The following AGTR1 variants were observed in gnomAD, a reference collection of about 807,000 sequenced individuals.
AGTR1 encodes the protein angiotensin II receptor type 1.
In AGTR1, 16 loss-of-function variants were observed where a neutral mutation model predicts 19.4. That is an observed-to-expected ratio of 0.82 (90% CI 0.56 to 1.25). The LOEUF is 1.25. Among genes scored for constraint, AGTR1 ranks in the 50% most tolerant of loss-of-function variants. The pLI is 0.00. For missense variants in AGTR1, 373 were observed against 431.9 expected (o/e 0.86, Z 1.21); for synonymous variants, 153 against 154.9 (o/e 0.99, Z 0.09).
At chr3:148,728,605 T>C (rs939004881) in intron 2 of AGTR1, among the ~76,000 whole-genome samples, 2 of 152,176 alleles carry the variant, frequency 1.3e-5, no homozygotes, top group African/African-American at 4.8e-5. Flanking sequence ...AGAAATAAAC[T>C]GTTAGGTGCT....
chr3:148,720,263 C>T (rs561363814), intron 2 of AGTR1, among the ~76,000 whole-genome samples: 34 of 152,218 alleles, frequency 2.2e-4, no homozygotes, highest in African/African-American at 7.9e-4. Context: ...CAGAAACACA[C>T]ACACACCACA....
chr3:148,707,498 T>A lies in AGTR1; in HGVS notation c.-131-446T>A, dbSNP rs191862490. 2.8e-3 allele frequency among the ~76,000 whole-genome samples: 434 copies of A among 152,340 alleles called. 1 individual carries two copies. The highest frequency in any genetic ancestry group is 9.9e-3 in the African/African-American group (411 of 41,586). On this transcript the variant is annotated intron_variant, in intron 1 of 2. Transcript: ENST00000349243. ...GGTAATCTTTTAAAAAGGTATTTTTTAAATTATGGTACAATAAAATGTGCA... is the reference window on the plus strand; with the variant it reads ...GGTAATCTTTTAAAAAGGTATTTTTAAAATTATGGTACAATAAAATGTGCA...
At chr3:148,711,393 A>G (rs986067683) in intron 2 of AGTR1, among the ~76,000 whole-genome samples, 1 of 152,246 alleles carries the variant, frequency 6.6e-6, no homozygotes, top group African/African-American at 2.4e-5. Flanking sequence ...AAAAAGGGAT[A>G]TAAATATCCA....
chr3:148,728,696 C>T (rs1320003644), intron 2 of AGTR1, among the ~76,000 whole-genome samples: 1 of 151,926 alleles, frequency 6.6e-6, no homozygotes, highest in African/African-American at 2.4e-5. Flanking sequence ...TCACTTTTAC[C>T]CTCTGAATTT....
chr3:148,702,890 A>C (rs1712431596), intron 1 of AGTR1, among the ~76,000 whole-genome samples: 1 of 152,140 alleles, frequency 6.6e-6, no homozygotes, highest in African/African-American at 2.4e-5. Context: ...GAAATAAATA[A>C]TTTTTCTAAT....
intron 2 of AGTR1, among the ~76,000 whole-genome samples, chr3:148,723,427 C>T (rs534592533): frequency 1.3e-5 from 2 of 152,252 alleles, no homozygotes; most frequent in East Asian, 3.9e-4. Flanking sequence ...TAGCTTCAGT[C>T]CCTTTCACTA....
rs74646323 is a variant in AGTR1 at position 148,716,133 on chromosome 3, A to G, written c.-48+8106A>G. On this transcript the variant is annotated intron_variant, in intron 2 of 2. Coordinates refer to ENST00000349243, the MANE Select transcript of AGTR1 (RefSeq NM_000685.5). This position sits in a 1 kb window ranked among gnomAD's most constrained non-coding sequence, Gnocchi z 4.7. Reference sequence around the variant, plus strand: ...AGCAACATTAGGGAAGGGGTAAAGTAGTCCTCAGCAAGGCCCTTTTCAGAG... The same window carrying G: ...AGCAACATTAGGGAAGGGGTAAAGTGGTCCTCAGCAAGGCCCTTTTCAGAG... 8.4e-3 allele frequency among the ~76,000 whole-genome samples: 1,278 copies of G among 152,292 alleles called. 28 individuals carry two copies. The highest frequency in any genetic ancestry group is 0.044 in the Middle Eastern group (13 of 294).
intron 2 of AGTR1, among the ~76,000 whole-genome samples, chr3:148,722,573 C>G (rs748834831): frequency 2.2e-4 from 34 of 152,100 alleles, no homozygotes; most frequent in Non-Finnish European, 4.3e-4. Flanking sequence ...CTCTGTAGCC[C>G]CTTTCTCATC....
chr3:148,732,483 A>T (rs1714321949), intron 2 of AGTR1, among the ~76,000 whole-genome samples: 1 of 152,226 alleles, frequency 6.6e-6, no homozygotes, highest in African/African-American at 2.4e-5. Flanking sequence ...TTGAGTAAAC[A>T]GTAAATTTTT....
intron 2 of AGTR1, among the ~76,000 whole-genome samples, chr3:148,708,354 G>T (rs962591552): frequency 1.3e-5 from 2 of 152,094 alleles, no homozygotes; most frequent in Non-Finnish European, 1.5e-5. Flanking sequence ...CCTGTATAGG[G>T]CTTAAGAGGA....
chr3:148,707,220 C>A (rs1057049234), intron 1 of AGTR1, among the ~76,000 whole-genome samples: 2 of 151,568 alleles, frequency 1.3e-5, no homozygotes, highest in Admixed American at 1.3e-4. Flanking sequence ...CTATGATGTA[C>A]AAAAAGAAAA....
At chr3:148,714,451 T>C (rs960724660) in intron 2 of AGTR1, among the ~76,000 whole-genome samples, 3 of 152,096 alleles carry the variant, frequency 2.0e-5, no homozygotes, top group African/African-American at 7.2e-5. Flanking sequence ...AGCAATGTGC[T>C]GGCATGGTCA....
At chr3:148,705,335 C>T (rs1050337718) in intron 1 of AGTR1, among the ~76,000 whole-genome samples, 3 of 152,130 alleles carry the variant, frequency 2.0e-5, no homozygotes, top group African/African-American at 4.8e-5. Flanking sequence ...ATTTCATCAA[C>T]ACATATACTT....
intron 2 of AGTR1, among the ~76,000 whole-genome samples, chr3:148,737,201 T>C (rs1714616188): frequency 6.6e-6 from 1 of 152,176 alleles, no homozygotes; most frequent in Admixed American, 6.5e-5. Flanking sequence ...AAATGCCCAG[T>C]GCACATCCAG....
intron 2 of AGTR1, among the ~76,000 whole-genome samples, chr3:148,727,746 G>T (rs1025610595): frequency 6.6e-6 from 1 of 152,098 alleles, no homozygotes; most frequent in Non-Finnish European, 1.5e-5. Context: ...TTTTGTGAGG[G>T]ATCTGTAGTT....
intron 2 of AGTR1, among the ~76,000 whole-genome samples, chr3:148,736,393 T>G (rs1714572456): frequency 6.6e-6 from 1 of 152,246 alleles, no homozygotes; most frequent in Non-Finnish European, 1.5e-5. Context: ...ATTTTTAGAC[T>G]TTTAATGGCA....
At chr3:148,708,350 T>C (rs1712791602) in intron 2 of AGTR1, among the ~76,000 whole-genome samples, 1 of 152,150 alleles carries the variant, frequency 6.6e-6, no homozygotes, top group African/African-American at 2.4e-5. Context: ...TCTTCCTGTA[T>C]AGGGCTTAAG....
intron 2 of AGTR1, among the ~76,000 whole-genome samples, chr3:148,732,476 AGT>A (rs1714321544): frequency 6.6e-6 from 1 of 152,228 alleles, no homozygotes; most frequent in Non-Finnish European, 1.5e-5. Flanking sequence ...ATTCATCTTG[AGT>A]AAACAGTAAA....
At chr3:148,699,212 CTATTGATCTATTTTAT>C (rs1395864470) in intron 1 of AGTR1, among the ~76,000 whole-genome samples, 2 of 152,128 alleles carry the variant, frequency 1.3e-5, no homozygotes, top group Admixed American at 6.6e-5. Context: ...ATTTGGCACC[CTATTGATCTATTTTAT>C]TACTTTGTTG....
Sources: allele counts gnomAD v4.1 joint callset (sites outside exome capture counted in the v4.1 genomes callset), GRCh38; gene constraint gnomAD v4.1.1; non-coding constraint Gnocchi (gnomAD v3.1); transcripts MANE v1.5; gene names NCBI Gene and HGNC (gene_info 2026-07-23, HGNC 2026-07-21).